The following CERS3 variants were observed in gnomAD, a reference collection of about 807,000 sequenced individuals.
CERS3 encodes LAG1 homolog, ceramide synthase 3.
Under a neutral mutation model 50.3 loss-of-function variants are expected in CERS3, and 33 were observed. That is an observed-to-expected ratio of 0.66 (90% CI 0.50 to 0.88). CERS3 has a LOEUF of 0.88. Ranked by LOEUF, CERS3 falls within the 40% of genes least tolerant of loss-of-function variation. The pLI, the probability that CERS3 is intolerant of heterozygous loss-of-function variation, is 0.00. For missense variants in CERS3, 470 were observed against 460.3 expected, an observed-to-expected ratio of 1.02 and a Z score of -0.19; for synonymous variants, 176 against 155.2, an observed-to-expected ratio of 1.13 and a Z score of -0.99.
At chr15:100,538,497 C>G (rs183265838) in intron 1 of CERS3, among the ~76,000 whole-genome samples, 27 of 152,362 alleles carry the variant, frequency 1.8e-4, no homozygotes, top group African/African-American at 5.8e-4. Context: ...CTTCTGTGCA[C>G]CTGCAGCCCC....
intron 4 of CERS3, among the ~76,000 whole-genome samples, chr15:100,487,426 C>T (rs958019398): frequency 3.9e-5 from 6 of 152,236 alleles, no homozygotes; most frequent in Admixed American, 6.5e-5. Context: ...GCTCAATTCA[C>T]AGAAGAGGAA....
intron 2 of CERS3, among the ~76,000 whole-genome samples, chr15:100,508,548 T>G (rs1444093630): frequency 6.6e-6 from 1 of 152,220 alleles, no homozygotes; most frequent in Non-Finnish European, 1.5e-5. Flanking sequence ...GTCACTGCTG[T>G]GAAAAATTCT....
At chr15:100,430,842 T>C (rs1310524069) in intron 11 of CERS3, among the ~76,000 whole-genome samples, 2 of 152,204 alleles carry the variant, frequency 1.3e-5, no homozygotes, top group African/African-American at 4.8e-5. Context: ...TTCCCCTTTT[T>C]TCCCTCCTCA....
intron 1 of CERS3, among the ~76,000 whole-genome samples, chr15:100,536,668 C>T (rs1596831607): frequency 1.3e-5 from 2 of 152,312 alleles, no homozygotes; most frequent in South Asian, 4.1e-4. Flanking sequence ...AAAGTTTCCA[C>T]CTCCCCAAAT....
chr15:100,484,657 A>G lies in CERS3; in HGVS notation c.300T>C (p.Tyr100=). The G allele has an allele frequency of 7.4e-6, 12 of 1,612,824 alleles. No homozygotes were observed. The highest frequency in any genetic ancestry group is 1.0e-5 in the Non-Finnish European group (12 of 1,178,802). The change falls in exon 5 of 12, where the codon TAT becomes TAC. Residue 100 remains tyrosine, a synonymous_variant. Coordinates refer to ENST00000679737, the MANE Select transcript of CERS3 (RefSeq NM_001378789.1). ...STRQPLQTDI[Y]GLAKKCNLTE... ...TCAAGTTACACTTCTTTGCCAGTCC[A>G]TAAATATCAGTCTGAAAAGGGATGA... is the stretch of plus-strand genomic sequence containing the variant.
At chr15:100,437,703 T>G (rs1488542392) in intron 11 of CERS3, 3 of 152,210 alleles carry the variant, frequency 2.0e-5, no homozygotes, top group Non-Finnish European at 4.4e-5. Context: ...ATCATGTGCT[T>G]ACTATGTGCC....
At chr15:100,407,385 G>A (rs964866352) in intron 11 of CERS3, among the ~76,000 whole-genome samples, 8 of 152,230 alleles carry the variant, frequency 5.3e-5, no homozygotes, top group Non-Finnish European at 7.3e-5. Context: ...ACAAAGGTTA[G>A]AGAATACTAC....
intron 2 of CERS3, among the ~76,000 whole-genome samples, chr15:100,508,236 CTT>C (rs2036240032): frequency 6.6e-6 from 1 of 152,150 alleles, no homozygotes; most frequent in Non-Finnish European, 1.5e-5. Context: ...TCATTTGTCT[CTT>C]TTTCTTCTTT....
chr15:100,527,060 G>A (rs571686892), intron 1 of CERS3, among the ~76,000 whole-genome samples: 60 of 152,270 alleles, frequency 3.9e-4, no homozygotes, highest in African/African-American at 1.4e-3. Flanking sequence ...TTGGGAGGCT[G>A]AGGTGGGCAG....
chr15:100,408,733 T>G (rs540738810), intron 11 of CERS3: 39 of 152,296 alleles, frequency 2.6e-4, no homozygotes, highest in African/African-American at 8.9e-4. Context: ...TGGAAATCAA[T>G]AAATCTCTCT....
At chr15:100,427,318 A>G (rs2587826) in intron 11 of CERS3, among the ~76,000 whole-genome samples, 41,868 of 152,062 alleles carry the variant, frequency 0.28, 5,952 homozygotes, top group East Asian at 0.42. Context: ...AAAGTATCTC[A>G]TCTGTGCTTC....
chr15:100,480,423 G>A (rs1325772734), intron 5 of CERS3, among the ~76,000 whole-genome samples: 2 of 152,172 alleles, frequency 1.3e-5, no homozygotes, highest in Non-Finnish European at 2.9e-5. Context: ...TTATCAGGAA[G>A]GAACCTAATA....
intron 8 of CERS3, among the ~76,000 whole-genome samples, chr15:100,475,154 G>C (rs938540573): frequency 6.6e-6 from 1 of 152,132 alleles, no homozygotes; most frequent in Non-Finnish European, 1.5e-5. Context: ...CTAGCCTAAA[G>C]TTAGTATAGT....
At chr15:100,531,084 C>CA (rs1215014911), upstream of CERS3, among the ~76,000 whole-genome samples, 1 of 150,964 alleles carries the variant, frequency 6.6e-6, no homozygotes, top group Non-Finnish European at 1.5e-5. Flanking sequence ...ACTCCTGTCT[C>CA]AAAAAAACAA....
intron 11 of CERS3, among the ~76,000 whole-genome samples, chr15:100,440,748 C>G: frequency 6.6e-6 from 1 of 152,240 alleles, no homozygotes; most frequent in Non-Finnish European, 1.5e-5. Context: ...TCACCAATTT[C>G]AAATCCGGTA....
chr15:100,525,977 C>A (rs571988676), intron 1 of CERS3, among the ~76,000 whole-genome samples: 1 of 152,118 alleles, frequency 6.6e-6, no homozygotes, highest in East Asian at 1.9e-4. Flanking sequence ...TCAATTAGAT[C>A]GTTGTATTGT....
At chr15:100,409,947 T>A (rs2031348673) in intron 11 of CERS3, among the ~76,000 whole-genome samples, 1 of 152,166 alleles carries the variant, frequency 6.6e-6, no homozygotes, top group Admixed American at 6.5e-5. Context: ...GGCCGGAGCA[T>A]ACTGTGGCAC....
intron 11 of CERS3, among the ~76,000 whole-genome samples, chr15:100,433,634 C>A (rs76272112): frequency 0.016 from 2,491 of 152,258 alleles, 29 homozygotes; most frequent in Admixed American, 0.027. Flanking sequence ...TCTCCCTTTG[C>A]CCAGCCCAGC....
At chr15:100,467,793 A>G (rs55864800) in intron 10 of CERS3, among the ~76,000 whole-genome samples, 1 of 111,920 alleles carries the variant, frequency 8.9e-6, no homozygotes, top group Non-Finnish European at 2.0e-5. Flanking sequence ...ACACATATAT[A>G]TGTATATATA....
Sources: gnomAD v4.1 joint callset for allele counts (sites outside exome capture counted in the v4.1 genomes callset) on GRCh38, gnomAD v4.1.1 for gene constraint, MANE v1.5 for transcripts, NCBI Gene and HGNC (gene_info 2026-07-23, HGNC 2026-07-21) for gene names.